Variants in TUBGCP5 observed in about 807,000 individuals in gnomAD.
TUBGCP5 encodes tubulin gamma complex component 5.
In TUBGCP5, 98 loss-of-function variants were observed where a neutral mutation model predicts 134.7. The observed-to-expected ratio is 0.73, with a 90% CI of 0.62 to 0.86. The LOEUF is 0.86. TUBGCP5 is among the 40% of genes least tolerant of loss of function. The probability of loss-of-function intolerance (pLI) is 0.00; values close to 1 mark genes in which losing one functional copy is unlikely to be tolerated. For missense variants in TUBGCP5, 1,150 were observed against 1,244.8 expected (o/e 0.92, Z 1.15); for synonymous variants, 456 against 431.4 (o/e 1.06, Z -0.71).
intron 20 of TUBGCP5, among the ~76,000 whole-genome samples, chr15:23,003,817 A>C (rs575113653): frequency 2.0e-5 from 3 of 151,778 alleles, no homozygotes; most frequent in Non-Finnish European, 4.4e-5. Flanking sequence ...CATGTCTGCT[A>C]ATCTTTTTAA....
chr15:22,995,301 A>G (rs1405165846), downstream of TUBGCP5, among the ~76,000 whole-genome samples: 2 of 152,054 alleles, frequency 1.3e-5, no homozygotes, highest in East Asian at 3.9e-4. Context: ...ATACAAATTA[A>G]AAGATCACTC....
intron 23 of TUBGCP5, among the ~76,000 whole-genome samples, chr15:22,992,062 A>G (rs2063861023): frequency 6.6e-6 from 1 of 152,196 alleles, no homozygotes; most frequent in South Asian, 2.1e-4. Context: ...AGTCATTTAC[A>G]GAACAAGAAC....
rs944514590 is a variant in TUBGCP5 at position 23,008,822 on chromosome 15, A to G, written c.2204T>C (p.Met735Thr). 6.3e-7 allele frequency: 1 copy of G among 1,598,746 alleles called. No homozygotes were observed. Residue 735 changes from methionine (M) to threonine (T), a missense_variant, in exon 16 of 23, where the codon ATG becomes ACG. By Grantham distance (81) the Met-to-Thr change is moderately conservative (BLOSUM62 -1). Transcript: ENST00000615383. ...AAAAATTGACGTGTAGAAGTCATACATGGTATCTCCTCCTTCCATTAAGAA... is the reference window on the plus strand; with the variant it reads ...AAAAATTGACGTGTAGAAGTCATACGTGGTATCTCCTCCTTCCATTAAGAA... Reference protein sequence around the residue: ...NFFLMEGGDTMYDFYTSIFDK... With the variant: ...NFFLMEGGDTTYDFYTSIFDK...
At chr15:23,010,999 A>G in intron 14 of TUBGCP5, 134 bp downstream of exon 14, 1 of 849,462 alleles carries the variant, frequency 1.2e-6, no homozygotes, top group South Asian at 1.8e-5. Flanking sequence ...AAAAAAAAAA[A>G]AGGAAAAAGA....
At chr15:22,990,907 T>C (rs1029143332) in intron 23 of TUBGCP5, among the ~76,000 whole-genome samples, 1 of 152,028 alleles carries the variant, frequency 6.6e-6, no homozygotes, top group Non-Finnish European at 1.5e-5. Context: ...GCCACAGTCA[T>C]AGAATGCTGG....
chr15:23,004,540 TA>T (rs895744953), intron 19 of TUBGCP5: 586 of 218,316 alleles, frequency 2.7e-3, no homozygotes, highest in Middle Eastern at 5.8e-3. Context: ...GACACATCGA[TA>T]AAAAAAAAAT....
At chr15:23,032,171 A>G (rs2066347070) in intron 4 of TUBGCP5, 142 bp from the exon 5 acceptor site, 1 of 590,432 alleles carries the variant, frequency 1.7e-6, no homozygotes, top group East Asian at 2.8e-5. Context: ...TAATAAATTG[A>G]TATCCTAAAA....
chr15:23,021,877 A>G (rs2065716244), intron 11 of TUBGCP5, 82 bp downstream of exon 11: 1 of 1,399,176 alleles, frequency 7.1e-7, no homozygotes, highest in South Asian at 1.2e-5. Flanking sequence ...TTCAAGTATC[A>G]ACAAAGAACT....
intron 16 of TUBGCP5, among the ~76,000 whole-genome samples, chr15:23,007,379 GACTCTGTCTC>G (rs2064781809): frequency 6.6e-6 from 1 of 152,156 alleles, no homozygotes; most frequent in South Asian, 2.1e-4. Context: ...GACAGAGCAA[GACTCTGTCTC>G]AAAAAAAAGA....
exon 24 of TUBGCP5, chr15:22,983,382 G>C (rs1197817861): frequency 1.3e-5 from 2 of 152,132 alleles, no homozygotes; most frequent in African/African-American, 4.8e-5. Context: ...TGTCTGAAAG[G>C]ACAGATAGTA....
Position 23,037,104 on chromosome 15 carries a change from G to A in TUBGCP5, c.195C>T (p.Ile65=), listed in dbSNP as rs149669566. The part of the protein sequence containing the change: ...DVNSHKIEKT[I]EGIYEKFVIH... ...ATATATACACACTGACTTACCCTTC[G>A]ATTGTTTTTTCTATTTTGTGGCTGT... Residue 65 remains isoleucine, a synonymous_variant, in exon 2 of 23, where the codon ATC becomes ATT. Coordinates refer to ENST00000615383, the MANE Select transcript of TUBGCP5 (RefSeq NM_052903.6). 133 of 1,613,654 alleles carry A rather than the reference G, an allele frequency of 8.2e-5. 1 individual carries two copies. The African/African-American group carries it at 1.2e-3, about 15-fold the overall frequency.
chr15:23,030,831 C>T (rs1209814758), intron 6 of TUBGCP5, 54 bp downstream of exon 6: 2 of 1,590,488 alleles, frequency 1.3e-6, no homozygotes, highest in Admixed American at 1.9e-5. Flanking sequence ...GTTTGCCTTT[C>T]CTTCTAGGGA....
chr15:23,016,969 G>GAGATATAT (rs1555439437), intron 13 of TUBGCP5, among the ~76,000 whole-genome samples: 4 of 109,396 alleles, frequency 3.7e-5, no homozygotes, highest in African/African-American at 1.4e-4. Flanking sequence ...AAAATTGTGA[G>GAGATATAT]ATATATATAT....
intron 8 of TUBGCP5, 65 bp downstream of exon 8, chr15:23,026,051 T>C: frequency 2.2e-6 from 3 of 1,364,478 alleles, no homozygotes; most frequent in Non-Finnish European, 3.0e-6. Context: ...TTTCCTTTAA[T>C]AAAAGTTTTT....
chr15:22,993,446 T>G, intron 23 of TUBGCP5, among the ~76,000 whole-genome samples: 1 of 148,938 alleles, frequency 6.7e-6, no homozygotes, highest in East Asian at 2.0e-4. Flanking sequence ...CCGCCCAGGC[T>G]GGAGTGCAGT....
intron 16 of TUBGCP5, 42 bp downstream of exon 16, chr15:23,008,657 C>A: frequency 6.3e-7 from 1 of 1,586,856 alleles, no homozygotes; most frequent in South Asian, 1.1e-5. Flanking sequence ...GCACATAGTT[C>A]ATGTTACACT....
intron 4 of TUBGCP5, among the ~76,000 whole-genome samples, 178 bp downstream of exon 4, chr15:23,032,550 A>C (rs924965362): frequency 6.6e-6 from 1 of 152,182 alleles, no homozygotes; most frequent in African/African-American, 2.4e-5. Flanking sequence ...GAACCTGAGA[A>C]TATAGAGGGC....
chr15:22,999,892 A>G, intron 22 of TUBGCP5, 26 bp from the exon 23 acceptor site: 1 of 1,612,040 alleles, frequency 6.2e-7, no homozygotes, highest in Non-Finnish European at 8.5e-7. Flanking sequence ...AAATAAGGTT[A>G]AAACAATAGG....
intron 13 of TUBGCP5, among the ~76,000 whole-genome samples, chr15:23,012,561 T>C (rs62009510): frequency 0.13 from 20,468 of 152,120 alleles, 1,811 homozygotes; most frequent in East Asian, 0.46. Context: ...GCCCATGCCA[T>C]CATGCCCAGC....
Sources: gnomAD v4.1 joint callset for allele counts (sites outside exome capture counted in the v4.1 genomes callset) on GRCh38, gnomAD v4.1.1 for gene constraint, MANE v1.5 for transcripts, NCBI Gene and HGNC (gene_info 2026-07-23, HGNC 2026-07-21) for gene names.